The following ZNF280D variants were observed in gnomAD, a reference collection of about 807,000 sequenced individuals.
ZNF280D encodes the protein zinc finger protein 280D.
In ZNF280D, 39 loss-of-function variants were observed where a neutral mutation model predicts 94.7. That is an observed-to-expected ratio of 0.41 (90% CI 0.32 to 0.54). The LOEUF (loss-of-function observed/expected upper bound fraction) is 0.54, where lower values mean the gene tolerates loss of function less well. Among genes scored for constraint, ZNF280D ranks in the 20% least tolerant of loss-of-function variants. The pLI is 0.22. For synonymous variants in ZNF280D, 398 were observed against 377.6 expected (o/e 1.05, Z -0.63); for missense variants, 1,090 against 1,149.3 (o/e 0.95, Z 0.75).
chr15:56,678,637 G>A, intron 11 of ZNF280D, 27 bp downstream of exon 11: 1 of 1,504,566 alleles, frequency 6.6e-7, no homozygotes, highest in Non-Finnish European at 8.9e-7. Flanking sequence ...CAATAATATG[G>A]AATATTTAAA....
At chr15:56,660,057 C>T (rs1317764398) in intron 16 of ZNF280D, among the ~76,000 whole-genome samples, 1 of 151,936 alleles carries the variant, frequency 6.6e-6, no homozygotes, top group Non-Finnish European at 1.5e-5. Context: ...GGAGTAATTA[C>T]TATTAGAGTT....
chr15:56,660,681 T>A lies in ZNF280D; in HGVS notation c.1995-2195A>T, dbSNP rs139592527. Among the ~76,000 whole-genome samples, 302 of 152,192 alleles carry A rather than the reference T, an allele frequency of 2.0e-3. 1 individual carries two copies. The highest frequency in any genetic ancestry group is 6.8e-3 in the African/African-American group (283 of 41,540). ...AATATAATGTTAAAACCTAATTTTT[T>A]AAAAAAATCCCTTACTTGATTAGCT... On this transcript the variant is annotated intron_variant, in intron 16 of 21. Transcript: ENST00000267807.
At chr15:56,659,361 A>G (rs1313566497) in intron 16 of ZNF280D, among the ~76,000 whole-genome samples, 2 of 152,004 alleles carry the variant, frequency 1.3e-5, no homozygotes, top group African/African-American at 4.8e-5. Flanking sequence ...AATATCACCT[A>G]ACAGCTTACA....
chr15:56,714,943 C>T (rs1419053269), intron 1 of ZNF280D, among the ~76,000 whole-genome samples: 1 of 151,854 alleles, frequency 6.6e-6, no homozygotes, highest in African/African-American at 2.4e-5. Flanking sequence ...AAAAAGTTAC[C>T]TATTAGGGGG....
At chr15:56,636,094 C>A (rs1236956647) in intron 20 of ZNF280D, among the ~76,000 whole-genome samples, 1 of 152,156 alleles carries the variant, frequency 6.6e-6, no homozygotes, top group African/African-American at 2.4e-5. Flanking sequence ...CTTATCTACT[C>A]ACCGTCTCAA....
chr15:56,652,476 T>G (rs1333308582), intron 19 of ZNF280D: 5 of 319,078 alleles, frequency 1.6e-5, no homozygotes, highest in Non-Finnish European at 1.8e-5. Context: ...TAGCAAATAA[T>G]TCCTGAGGCA....
chr15:56,633,259 T>C (rs2052179836), intron 21 of ZNF280D, among the ~76,000 whole-genome samples: 1 of 152,192 alleles, frequency 6.6e-6, no homozygotes, highest in Non-Finnish European at 1.5e-5. Context: ...TATAAGGCTA[T>C]TTCTCTGCTA....
intron 13 of ZNF280D, among the ~76,000 whole-genome samples, chr15:56,671,087 T>C (rs572318237): frequency 3.3e-5 from 5 of 152,250 alleles, no homozygotes; most frequent in South Asian, 2.1e-4. Context: ...CTTTGTCAGA[T>C]GCATAGTTTG....
intron 1 of ZNF280D, among the ~76,000 whole-genome samples, chr15:56,716,555 G>T (rs2058054494): frequency 6.8e-6 from 1 of 147,394 alleles, no homozygotes; most frequent in Admixed American, 6.8e-5. Context: ...ATAAGACATA[G>T]AGATAGACAA....
chr15:56,658,568 A>G (rs542074453), intron 16 of ZNF280D, 82 bp from the exon 17 acceptor site: 1 of 947,066 alleles, frequency 1.1e-6, no homozygotes, highest in African/African-American at 1.7e-5. Context: ...GTCCATACTT[A>G]AGTTTCTAGT....
At chr15:56,701,911 G>C (rs970325207) in intron 4 of ZNF280D, among the ~76,000 whole-genome samples, 10 of 150,756 alleles carry the variant, frequency 6.6e-5, no homozygotes, top group African/African-American at 2.4e-4. Context: ...TCAATTTAAA[G>C]TTCCTCATTC....
At chr15:56,687,287 T>C (rs193009416) in intron 9 of ZNF280D, among the ~76,000 whole-genome samples, 2 of 152,264 alleles carry the variant, frequency 1.3e-5, no homozygotes, top group East Asian at 3.9e-4. Flanking sequence ...TTCTATTATA[T>C]TAATATGAAA....
chr15:56,711,521 C>T (rs1456738802), intron 1 of ZNF280D, among the ~76,000 whole-genome samples: 12 of 152,042 alleles, frequency 7.9e-5, no homozygotes, highest in African/African-American at 1.9e-4. Flanking sequence ...AAAAATTAGC[C>T]GGGCATGGTG....
chr15:56,723,306 T>G (rs1481256988), intron 1 of ZNF280D, among the ~76,000 whole-genome samples: 1 of 152,166 alleles, frequency 6.6e-6, no homozygotes, highest in East Asian at 1.9e-4. Context: ...ATTTAGCAAT[T>G]TTTTAAAATG....
chr15:56,733,346 C>T, intron 1 of ZNF280D, 112 bp downstream of exon 1: 1 of 608,986 alleles, frequency 1.6e-6, no homozygotes, highest in Non-Finnish European at 2.1e-6. Flanking sequence ...CGACGACCCG[C>T]GCCGGCCTCA....
intron 1 of ZNF280D, among the ~76,000 whole-genome samples, chr15:56,721,317 T>TG (rs1221998544): frequency 1.3e-5 from 2 of 152,140 alleles, no homozygotes. Flanking sequence ...CAATGGTAAA[T>TG]GAGTACTGGC....
At chr15:56,727,121 C>T (rs2058666049) in intron 1 of ZNF280D, among the ~76,000 whole-genome samples, 1 of 152,194 alleles carries the variant, frequency 6.6e-6, no homozygotes, top group African/African-American at 2.4e-5. Context: ...ACAAACTCAT[C>T]TCTGCCTTGA....
intron 3 of ZNF280D, among the ~76,000 whole-genome samples, chr15:56,706,388 G>T (rs1464740191): frequency 6.6e-6 from 1 of 151,780 alleles, no homozygotes; most frequent in East Asian, 1.9e-4. Flanking sequence ...TGAGGCGGGA[G>T]AATCACTTGA....
At chr15:56,652,590 G>C (rs2053271226) in intron 19 of ZNF280D, 1 of 964,718 alleles carries the variant, frequency 1.0e-6, no homozygotes, top group African/African-American at 1.8e-5. Flanking sequence ...ATATATAAAG[G>C]AAAGAAATAC....
Sources: gnomAD v4.1 joint callset for allele counts (sites outside exome capture counted in the v4.1 genomes callset) on GRCh38, gnomAD v4.1.1 for gene constraint, MANE v1.5 for transcripts, NCBI Gene and HGNC (gene_info 2026-07-23, HGNC 2026-07-21) for gene names.